The following PDE1C variants were observed in gnomAD, a reference collection of about 807,000 sequenced individuals.
PDE1C encodes dual specificity calcium/calmodulin-dependent 3',5'-cyclic nucleotide phosphodiesterase 1C.
A neutral mutation model predicts 93.1 loss-of-function variants in PDE1C; 62 were observed. The observed-to-expected ratio is 0.67, with a 90% CI of 0.54 to 0.82. The LOEUF (loss-of-function observed/expected upper bound fraction) is 0.82. Ranked by LOEUF, PDE1C falls within the 40% of genes least tolerant of loss-of-function variation. The pLI is 0.00. For synonymous variants in PDE1C, 325 were observed against 310.1 expected (o/e 1.05, Z -0.50); for missense variants, 742 against 884.6 (o/e 0.84, Z 2.04).
intron 3 of PDE1C, 53 bp downstream of exon 3, chr7:31,880,694 T>C: frequency 9.5e-7 from 1 of 1,056,844 alleles, no homozygotes; most frequent in Non-Finnish European, 1.4e-6. Flanking sequence ...AAAAGCCATT[T>C]AAGAGAAAAT....
chr7:32,100,917 A>C (rs1272335925), intron 3 of PDE1C, among the ~76,000 whole-genome samples: 3 of 152,192 alleles, frequency 2.0e-5, no homozygotes, highest in Non-Finnish European at 4.4e-5. Context: ...TCAATTCACC[A>C]TCACTTTGGC....
intron 3 of PDE1C, among the ~76,000 whole-genome samples, chr7:32,108,398 G>A (rs1430353089): frequency 6.6e-6 from 1 of 150,388 alleles, no homozygotes; most frequent in Non-Finnish European, 1.5e-5. Flanking sequence ...TGAAATACAG[G>A]TTGAGAAAGT....
At chr7:31,678,633 C>G in the PDE1C span, among the ~76,000 whole-genome samples, 4 of 152,144 alleles carry the variant, frequency 2.6e-5, no homozygotes, top group Admixed American at 2.6e-4. Flanking sequence ...TATCTCAATA[C>G]TCATCACAAT....
chr7:32,326,377 G>A (rs1207467854), intron 1 of PDE1C, among the ~76,000 whole-genome samples: 1 of 152,160 alleles, frequency 6.6e-6, no homozygotes, highest in Non-Finnish European at 1.5e-5. Flanking sequence ...GGAATCACAT[G>A]GAAAGAGAAT....
intron 3 of PDE1C, among the ~76,000 whole-genome samples, chr7:32,108,062 G>T (rs181797591): frequency 1.5e-4 from 23 of 151,064 alleles, no homozygotes; most frequent in African/African-American, 5.1e-4. Flanking sequence ...AACCAGAGAA[G>T]ACAAAAAAGA....
At chr7:32,269,166 A>G (rs934020053) in intron 1 of PDE1C, among the ~76,000 whole-genome samples, 6 of 152,220 alleles carry the variant, frequency 3.9e-5, no homozygotes, top group Admixed American at 1.3e-4. Flanking sequence ...ATGTTGCTCA[A>G]TGAAGACTGC....
At chr7:32,153,011 T>G (rs1801354694) in intron 3 of PDE1C, among the ~76,000 whole-genome samples, 1 of 152,122 alleles carries the variant, frequency 6.6e-6, no homozygotes, top group Non-Finnish European at 1.5e-5. Flanking sequence ...AAATTTCACT[T>G]TGGAAAATAT....
chr7:31,928,364 A>T (rs1424373604), intron 2 of PDE1C, among the ~76,000 whole-genome samples: 1 of 152,180 alleles, frequency 6.6e-6, no homozygotes, highest in Non-Finnish European at 1.5e-5. Flanking sequence ...ACACTTTAGG[A>T]TGTTATCCAG....
chr7:32,041,862 A>G lies in PDE1C; in HGVS notation c.128+9692T>C, dbSNP rs547788606. On this transcript the variant is annotated intron_variant, in intron 2 of 17. Transcript: ENST00000396191. ...AGGCCAAATACGAAAACTTTCAAAC[A>G]TAAAATGTCTGAAGAGAAAAGAACA... is the stretch of plus-strand genomic sequence containing the variant. 2.4e-4 allele frequency among the ~76,000 whole-genome samples: 36 copies of G among 152,232 alleles called. 1 individual carries two copies. Among genetic ancestry groups the G allele is most frequent in the Non-Finnish European group, 5.1e-4 (35 of 68,040 alleles).
chr7:32,354,740 G>T (rs942415696), intron 1 of PDE1C, among the ~76,000 whole-genome samples: 2 of 152,130 alleles, frequency 1.3e-5, no homozygotes, highest in Non-Finnish European at 2.9e-5. Flanking sequence ...GTGTAATTTG[G>T]TCTCACACAC....
At chr7:32,327,876 TA>T (rs1316202461) in intron 1 of PDE1C, among the ~76,000 whole-genome samples, 1 of 152,108 alleles carries the variant, frequency 6.6e-6, no homozygotes, top group Admixed American at 6.6e-5. Flanking sequence ...TGTTTGCACA[TA>T]GACATAGTTC....
intron 3 of PDE1C, among the ~76,000 whole-genome samples, chr7:32,098,006 G>A (rs1018264500): frequency 7.4e-5 from 11 of 149,254 alleles, no homozygotes; most frequent in Admixed American, 5.3e-4. Context: ...CGAGGCGGGC[G>A]GATCACGAGG....
At chr7:32,247,543 A>C (rs1395394482) in intron 1 of PDE1C, among the ~76,000 whole-genome samples, 1 of 152,232 alleles carries the variant, frequency 6.6e-6, no homozygotes, top group Non-Finnish European at 1.5e-5. Context: ...GACAGTCCCC[A>C]ACTTATAATG....
rs1795108175 is a variant in PDE1C, at chr7:31,864,947, C to T, written c.745G>A (p.Val249Met). The change falls in exon 7 of 18, where the codon GTG becomes ATG. Residue 249 changes from valine to methionine, a missense_variant. By Grantham distance (21) the Val-to-Met change is conservative. Around this residue, in one of 4 missense-constraint regions of PDE1C, gnomAD observed 205 missense variants for 295.3 expected, o/e 0.69. Coordinates refer to ENST00000396191, the MANE Select transcript of PDE1C (RefSeq NM_001191057.4). The stretch of plus-strand genomic sequence containing the variant: ...GAGTTCCTATCCCTACTTACCGCCA[C>T]TCCTGTCTTATAGAGGAGGTAATGC... ...TVHYLLYKTG[V>M]ANWLTELEIF... 6.2e-7 allele frequency: 1 copy of T among 1,613,294 alleles called. No homozygotes were observed. The highest frequency in any genetic ancestry group is 8.5e-7 in the Non-Finnish European group (1 of 1,179,474).
At chr7:31,702,371 G>A in the PDE1C span, among the ~76,000 whole-genome samples, 2 of 152,060 alleles carry the variant, frequency 1.3e-5, no homozygotes, top group African/African-American at 4.8e-5. Flanking sequence ...CAAGGACCGG[G>A]GGAGGCTCTG....
At chr7:31,619,722 T>G in the PDE1C span, among the ~76,000 whole-genome samples, 282 of 152,100 alleles carry the variant, frequency 1.9e-3, no homozygotes, top group Non-Finnish European at 3.3e-3. Context: ...GAGGTACCAG[T>G]TCCATCTCAC....
chr7:31,777,520 G>A (rs1256448076), intron 16 of PDE1C, among the ~76,000 whole-genome samples: 1 of 151,840 alleles, frequency 6.6e-6, no homozygotes, highest in Non-Finnish European at 1.5e-5. Flanking sequence ...GTAGAGACGG[G>A]GTTTCACTGT....
Position 31,775,716 on chromosome 7 carries a change from A to G in PDE1C, c.1908T>C (p.Ser636=). The change falls in exon 17 of 18, where the codon TCT becomes TCC. Residue 636 remains serine (S), a synonymous_variant. Coordinates refer to ENST00000396191, the MANE Select transcript of PDE1C (RefSeq NM_001191057.4). ...SKKTDGTKQR[S]HGSPAPSTSS... Reference sequence around the variant, plus strand: ...TGGTGCTTGGGGCTGGTGAGCCGTGAGAACGCTGTTTTGTGCCTGTGAAGA... The same window carrying G: ...TGGTGCTTGGGGCTGGTGAGCCGTGGGAACGCTGTTTTGTGCCTGTGAAGA... 6.2e-7 allele frequency: 1 copy of G among 1,612,872 alleles called. No individual in the cohort carries two copies. Among genetic ancestry groups the G allele is most frequent in the Non-Finnish European group, 8.5e-7 (1 of 1,179,856 alleles).
the PDE1C span, chr7:31,643,925 A>G: frequency 6.2e-7 from 1 of 1,613,240 alleles, no homozygotes; most frequent in Non-Finnish European, 8.5e-7. Context: ...AAAGCCCTTC[A>G]GGACACTACA....
Sources: allele counts gnomAD v4.1 joint callset (sites outside exome capture counted in the v4.1 genomes callset), GRCh38; gene constraint gnomAD v4.1.1; regional missense constraint gnomAD v4.1.1; transcripts MANE v1.5; gene names NCBI Gene and HGNC (gene_info 2026-07-23, HGNC 2026-07-21).